ROBO2: variants seen among roughly 807,000 people sequenced by gnomAD.
The protein encoded by ROBO2 is roundabout guidance receptor 2, also known as roundabout homolog 2.
ROBO2 carries 53 observed loss-of-function variants against 160.8 expected under a neutral mutation model. The observed-to-expected ratio is 0.33, with a 90% CI of 0.26 to 0.41. The LOEUF is 0.41. Among genes scored for constraint, ROBO2 ranks in the 10% least tolerant of loss-of-function variants. ROBO2 has a pLI of 1.00. For synonymous variants in ROBO2, 664 were observed against 611.7 expected (o/e 1.09, Z -1.26); for missense variants, 1,577 against 1,722.4 (o/e 0.92, Z 1.49).
At chr3:77,374,169 CAAAAAAAAAAAAAA>C (rs60357417) in intron 2 of ROBO2, among the ~76,000 whole-genome samples, 21 of 40,106 alleles carry the variant, frequency 5.2e-4, no homozygotes, top group Admixed American at 2.0e-3. Flanking sequence ...GAGACTCCAT[CAAAAAAAAAAAAAA>C]AAAAAAAAAA....
rs191802038 is a variant in ROBO2, at chr3:77,416,940, G to A, written c.389-60474G>A. On this transcript the variant is annotated intron_variant, in intron 2 of 25. Transcript: ENST00000461745. Reference sequence around the variant, plus strand: ...TCAAGATGTAGATTGCCGAGGATGAGACAGATTTGGTCAGAAGGTGAGCAA... The same window carrying A: ...TCAAGATGTAGATTGCCGAGGATGAAACAGATTTGGTCAGAAGGTGAGCAA... Among the ~76,000 whole-genome samples, 688 of 152,204 alleles carry A rather than the reference G, an allele frequency of 4.5e-3. 4 individuals are homozygous for A. Among genetic ancestry groups the A allele is most frequent in the Middle Eastern group, 0.014 (4 of 294 alleles).
chr3:76,883,414 G>A (rs891891377), intron 2 of ROBO2, among the ~76,000 whole-genome samples: 11 of 152,008 alleles, frequency 7.2e-5, no homozygotes, highest in East Asian at 3.9e-4. Flanking sequence ...GTAGTCATTC[G>A]CAAAGCCCTA....
intron 2 of ROBO2, among the ~76,000 whole-genome samples, chr3:76,039,765 T>A (rs978617850): frequency 5.9e-5 from 9 of 152,036 alleles, no homozygotes; most frequent in African/African-American, 2.2e-4. Flanking sequence ...AGTATATGAC[T>A]GATGAAGAGA....
intron 2 of ROBO2, among the ~76,000 whole-genome samples, chr3:76,344,809 A>G (rs983361311): frequency 6.6e-6 from 1 of 152,182 alleles, no homozygotes; most frequent in African/African-American, 2.4e-5. Context: ...AATTTGGGAA[A>G]TATCTAGATG....
rs546481601 is a variant in ROBO2, at chr3:76,440,891, G to T, written c.109+503289G>T. On this transcript the variant is annotated intron_variant, in intron 2 of 26. Transcript: ENST00000487694. ...CACTGTAAAACACAAACTTCATGTGGCATGTGGCATGTGGCATGTGGCAAT... is the reference window on the plus strand; with the variant it reads ...CACTGTAAAACACAAACTTCATGTGTCATGTGGCATGTGGCATGTGGCAAT... 3.5e-3 allele frequency among the ~76,000 whole-genome samples: 397 copies of T among 114,192 alleles called. 2 individuals are homozygous for T. Among genetic ancestry groups the T allele is most frequent in the African/African-American group, 0.025 (388 of 15,798 alleles). The allele number at this position is 114,192 out of a possible 152,430, so 74.9% of individuals were successfully genotyped here. A position where few individuals can be genotyped will look rare whatever the true frequency, so the allele number is the denominator to read the frequency against.
chr3:75,960,726 C>G (rs58352906), intron 2 of ROBO2, among the ~76,000 whole-genome samples: 3,304 of 151,748 alleles, frequency 0.022, 110 homozygotes, highest in East Asian at 0.12. Context: ...GGCAAGTAAA[C>G]TATATTTTTA....
chr3:77,011,445 T>C (rs6762270), intron 2 of ROBO2, among the ~76,000 whole-genome samples: 152,246 of 152,252 alleles, frequency 1, 76,120 homozygotes, highest in Non-Finnish European at 1. Flanking sequence ...TCTCCAAACC[T>C]TTCACCCTGC....
At chr3:76,940,043 G>A (rs1357884268) in intron 2 of ROBO2, among the ~76,000 whole-genome samples, 2 of 148,750 alleles carry the variant, frequency 1.3e-5, no homozygotes, top group Admixed American at 1.4e-4. Flanking sequence ...GTGCGGTGGC[G>A]CTACCTCGGC....
At chr3:76,431,459 A>G (rs1368485198) in intron 2 of ROBO2, among the ~76,000 whole-genome samples, 1 of 152,158 alleles carries the variant, frequency 6.6e-6, no homozygotes, top group Non-Finnish European at 1.5e-5. Context: ...AACATGTAGT[A>G]TGGTTGAATA....
At position 77,205,952 on chromosome 3, in the gene ROBO2, T is replaced by A. The variant is rs141143916; in HGVS notation, c.388+107612T>A. On this transcript the variant is annotated intron_variant, in intron 2 of 25. Transcript: ENST00000461745. Reference sequence around the variant, plus strand: ...ACAACAGAAATGCATTATCTTACAGTTTTGGGGGACTGGAAATTTGAAATC... The same window carrying A: ...ACAACAGAAATGCATTATCTTACAGATTTGGGGGACTGGAAATTTGAAATC... 5.9e-5 allele frequency among the ~76,000 whole-genome samples: 9 copies of A among 152,032 alleles called. No individual in the cohort carries two copies. In the East Asian group the frequency reaches 1.8e-3, roughly 30 times the overall value.
chr3:76,256,324 T>A (rs1162642749), intron 2 of ROBO2, among the ~76,000 whole-genome samples: 8 of 93,258 alleles, frequency 8.6e-5, no homozygotes, highest in Non-Finnish European at 7.8e-5. Context: ...TCTCTCTCTC[T>A]CTCTCTCTCT....
At chr3:76,488,755 A>T (rs1238656272) in intron 2 of ROBO2, among the ~76,000 whole-genome samples, 2 of 152,104 alleles carry the variant, frequency 1.3e-5, no homozygotes, top group African/African-American at 4.8e-5. Flanking sequence ...TCTAGGATAA[A>T]GGACACACAC....
At chr3:76,502,471 A>G (rs2080514155) in intron 2 of ROBO2, among the ~76,000 whole-genome samples, 3 of 152,254 alleles carry the variant, frequency 2.0e-5, no homozygotes, top group South Asian at 4.1e-4. Flanking sequence ...TGAATAATAT[A>G]GCAAGTGCTC....
At chr3:77,215,659 T>C (rs1375334969) in intron 2 of ROBO2, among the ~76,000 whole-genome samples, 2 of 152,166 alleles carry the variant, frequency 1.3e-5, no homozygotes, top group African/African-American at 2.4e-5. Context: ...GGTGCTCTGA[T>C]TTTTAGAGTT....
chr3:76,638,691 A>G (rs2090469681), intron 2 of ROBO2, among the ~76,000 whole-genome samples: 2 of 152,126 alleles, frequency 1.3e-5, no homozygotes, highest in African/African-American at 4.8e-5. Context: ...TAAAAATTCA[A>G]AATTATAGTG....
intron 2 of ROBO2, among the ~76,000 whole-genome samples, chr3:77,233,664 T>A (rs1410592936): frequency 6.6e-6 from 1 of 152,230 alleles, no homozygotes; most frequent in East Asian, 1.9e-4. Flanking sequence ...ATTATTTTAA[T>A]ATTTAATAAT....
At chr3:76,052,107 A>G (rs2067676872) in intron 2 of ROBO2, among the ~76,000 whole-genome samples, 1 of 152,136 alleles carries the variant, frequency 6.6e-6, no homozygotes, top group Non-Finnish European at 1.5e-5. Context: ...CTATTTTAAA[A>G]ACCTATGTGT....
intron 2 of ROBO2, among the ~76,000 whole-genome samples, chr3:77,177,279 A>C (rs1579668060): frequency 6.6e-6 from 1 of 151,918 alleles, no homozygotes; most frequent in East Asian, 1.9e-4. Context: ...TAATCCTGTC[A>C]ATGGTTCTGA....
chr3:77,342,626 AT>A (rs2067189219), intron 2 of ROBO2, among the ~76,000 whole-genome samples: 1 of 151,982 alleles, frequency 6.6e-6, no homozygotes, highest in Non-Finnish European at 1.5e-5. Context: ...AAGACTCCCC[AT>A]TTGCTGCCAC....
Sources: gnomAD v4.1 joint callset for allele counts (sites outside exome capture counted in the v4.1 genomes callset) on GRCh38, gnomAD v4.1.1 for gene constraint, MANE v1.5 for transcripts, NCBI Gene and HGNC (gene_info 2026-07-23, HGNC 2026-07-21) for gene names.